The following EIF4A2 variants were observed in gnomAD, a reference collection of about 807,000 sequenced individuals.
EIF4A2 encodes the protein eukaryotic initiation factor 4A-II.
EIF4A2 carries 9 observed loss-of-function variants against 50.6 expected under a neutral mutation model. The ratio of observed to expected loss-of-function variants is 0.18; its 90% CI spans 0.11 to 0.31. The LOEUF (loss-of-function observed/expected upper bound fraction) is 0.31, where lower values mean the gene tolerates loss of function less well. Ranked by LOEUF, EIF4A2 falls within the 10% of genes least tolerant of loss-of-function variation. The probability of loss-of-function intolerance (pLI) is 1.00; values close to 1 mark genes in which losing one functional copy is unlikely to be tolerated. For synonymous variants in EIF4A2, 215 were observed against 164.4 expected (o/e 1.31, Z -2.35); for missense variants, 182 against 501.8 (o/e 0.36, Z 6.09).
intron 4 of EIF4A2, 63 bp downstream of exon 4, chr3:186,785,164 G>T: frequency 6.3e-7 from 1 of 1,594,098 alleles, no homozygotes. Context: ...TTTCACAACT[G>T]TGAAGAATTT....
chr3:186,783,871 C>G (rs1327578453), intron 1 of EIF4A2: 2 of 601,542 alleles, frequency 3.3e-6, no homozygotes, highest in East Asian at 5.7e-5. Flanking sequence ...TAAGACATTA[C>G]GAAACTTCGG....
intron 3 of EIF4A2, 74 bp from the exon 4 acceptor site, chr3:186,784,888 A>T (rs1434325107): frequency 6.2e-7 from 1 of 1,612,352 alleles, no homozygotes; most frequent in African/African-American, 1.3e-5. Context: ...TAATGTTCCA[A>T]ATGGAATACA....
chr3:186,788,440 T>A, intron 10 of EIF4A2: 1 of 1,241,770 alleles, frequency 8.1e-7, no homozygotes, highest in Non-Finnish European at 1.0e-6. Flanking sequence ...TTTGTTTTTC[T>A]TTTGTCATGA....
rs548992715 is a variant in EIF4A2 at position 186,787,685 on chromosome 3, A to G, written c.999+101A>G. ...CAACTTGGGCTATTTGGAAGAGTAA[A>G]AGACCACACTCCACAGTGGGCTATA... On this transcript the variant is annotated intron_variant, in intron 9 of 10. Transcript: ENST00000323963. 3.8e-6 allele frequency: 6 copies of G among 1,585,128 alleles called. No homozygotes were observed. The East Asian group carries it at 1.1e-4, about 30-fold the overall frequency.
chr3:186,786,549 C>G lies in EIF4A2; in HGVS notation c.675C>G (p.Thr225=). ...TGCCAACTGATGTGTTGGAAGTGAC[C>G]AAAAAATTCATGAGAGATCCAATTC... is the stretch of plus-strand genomic sequence containing the variant. ...ATMPTDVLEV[T]KKFMRDPIRI... Residue 225 remains threonine (T), a synonymous_variant, in exon 7 of 11, where the codon ACC becomes ACG. Coordinates refer to ENST00000323963, the MANE Select transcript of EIF4A2 (RefSeq NM_001967.4). 2 of 1,613,028 alleles carry G rather than the reference C, an allele frequency of 1.2e-6. No individual in the cohort carries two copies. The highest frequency in any genetic ancestry group is 1.7e-6 in the Non-Finnish European group (2 of 1,179,960).
chr3:186,788,491 G>C (rs1329332383), intron 10 of EIF4A2: 2 of 1,161,612 alleles, frequency 1.7e-6, no homozygotes, highest in African/African-American at 3.2e-5. Context: ...GCATTTTTTT[G>C]TATTAGTATT....
In EIF4A2 at chr3:186,786,567, T is replaced by G; in HGVS notation, c.693T>G (p.Asp231Glu). ...VLEVTKKFMR[D>E]PIRILVKKEE... The stretch of plus-strand genomic sequence containing the variant: ...AAGTGACCAAAAAATTCATGAGAGA[T>G]CCAATTCGAATTCTGGTGAAAAAGG... The change falls in exon 7 of 11, where the codon GAT (aspartate) becomes GAG (glutamate). Residue 231 changes from aspartate to glutamate, a missense_variant. Transcript: ENST00000323963. The G allele has an allele frequency of 6.2e-7, 1 of 1,613,648 alleles. No homozygotes were observed. The highest frequency in any genetic ancestry group is 1.3e-5 in the African/African-American group (1 of 75,044).
chr3:186,786,680 C>G lies in EIF4A2; in HGVS notation c.771+35C>G, dbSNP rs202149708. ...TGATTGTTAGACATTATTTTACCTT[C>G]TTGTATAAGCACTGTGCTAAAATTG... On this transcript the variant is annotated intron_variant, in intron 7 of 10. Transcript: ENST00000323963. The G allele has an allele frequency of 3.1e-6, 5 of 1,611,816 alleles. No individual in the cohort carries two copies. The Admixed American group carries it at 6.7e-5, about 22-fold the overall frequency.
chr3:186,788,261 A>C, intron 10 of EIF4A2: 1 of 1,282,530 alleles, frequency 7.8e-7, no homozygotes. Context: ...AAATAAATTG[A>C]ATTGTACTTT....
chr3:186,787,977 C>A, intron 10 of EIF4A2, 95 bp downstream of exon 10: 1 of 1,270,302 alleles, frequency 7.9e-7, no homozygotes, highest in Non-Finnish European at 1.1e-6. Context: ...GGAATAGATT[C>A]AGTAAAGTCA....
intron 9 of EIF4A2, 101 bp from the exon 10 acceptor site, chr3:186,787,702 T>TG (rs1560086367): frequency 6.3e-7 from 1 of 1,575,212 alleles, no homozygotes; most frequent in South Asian, 1.1e-5. Context: ...CACTCCACAG[T>TG]GGGCTATACC....
intron 7 of EIF4A2, 160 bp from the exon 8 acceptor site, chr3:186,786,963 ACTTT>A (rs1721763524): frequency 9.0e-7 from 1 of 1,107,504 alleles, no homozygotes; most frequent in Admixed American, 2.2e-5. Context: ...AGACAGTTTC[ACTTT>A]CTTGAAACCC....
intron 7 of EIF4A2, 83 bp from the exon 8 acceptor site, chr3:186,787,044 A>C: frequency 1.3e-6 from 2 of 1,572,428 alleles, no homozygotes; most frequent in Non-Finnish European, 1.7e-6. Flanking sequence ...AGGCATTAGC[A>C]CTGTGGCTGG....
chr3:186,788,057 T>G, intron 10 of EIF4A2, 175 bp downstream of exon 10: 1 of 775,236 alleles, frequency 1.3e-6, no homozygotes, highest in East Asian at 2.7e-5. Context: ...GTGGGAAAAC[T>G]TGTAAACATT....
At chr3:186,785,274 T>C in intron 4 of EIF4A2, 173 bp downstream of exon 4, 1 of 894,938 alleles carries the variant, frequency 1.1e-6, no homozygotes, top group Non-Finnish European at 1.7e-6. Flanking sequence ...GGTATGCAGG[T>C]ATGGTTTGTA....
intron 10 of EIF4A2, 37 bp from the exon 11 acceptor site, chr3:186,789,088 T>C (rs763354419): frequency 4.4e-6 from 7 of 1,604,356 alleles, no homozygotes; most frequent in African/African-American, 4.0e-5. Context: ...TTATACATTA[T>C]GTGAGAAGTA....
intron 10 of EIF4A2, chr3:186,788,439 C>T: frequency 3.3e-6 from 4 of 1,230,594 alleles, no homozygotes; most frequent in Non-Finnish European, 4.2e-6. Flanking sequence ...ATTTGTTTTT[C>T]TTTTGTCATG....
In EIF4A2 at chr3:186,789,456, T is replaced by TA; in HGVS notation, c.*187_*188insA. The TA allele has an allele frequency of 4.2e-6, 3 of 722,548 alleles. No homozygotes were observed. The highest frequency in any genetic ancestry group is 6.2e-6 in the Non-Finnish European group (3 of 481,792). The allele number at this position is 722,548 out of a possible 1,614,324, so 44.8% of individuals were successfully genotyped here. ...CTTGTGAGGAAAGTCATTGGCTTTA[T>TA]CCTCTTTAGAGTTAGACTGTTGGGG... On this transcript the variant is annotated 3_prime_UTR_variant, in exon 11 of 11. Transcript: ENST00000323963.
intron 10 of EIF4A2, chr3:186,788,381 A>G (rs1057058963): frequency 8.5e-6 from 11 of 1,289,334 alleles, no homozygotes; most frequent in East Asian, 1.1e-4. Context: ...ACGTGGAATC[A>G]TAAGCGAAAC....
Sources: gnomAD v4.1 joint callset for allele counts on GRCh38, gnomAD v4.1.1 for gene constraint, MANE v1.5 for transcripts, NCBI Gene and HGNC (gene_info 2026-07-23, HGNC 2026-07-21) for gene names.